DDX10: variants seen among roughly 807,000 people sequenced by gnomAD.
The protein encoded by DDX10 is DEAD-box helicase 10.
Under a neutral mutation model 104.3 loss-of-function variants are expected in DDX10, and 74 were observed. The observed-to-expected ratio is 0.71, with a 90% CI of 0.59 to 0.86. The LOEUF is 0.86. Ranked by LOEUF, DDX10 falls within the 40% of genes least tolerant of loss-of-function variation. The pLI is 0.00. For synonymous variants in DDX10, 351 were observed against 353.4 expected (o/e 0.99, Z 0.08); for missense variants, 952 against 1,040.0 (o/e 0.92, Z 1.16).
At position 108,838,532 on chromosome 11, in the gene DDX10, GAAT is replaced by G. The variant is rs1862592526; in HGVS notation, c.2055_2057del (p.Asn685del). 6.2e-7 allele frequency: 1 copy of G among 1,611,574 alleles called. No individual in the cohort carries two copies. The highest frequency in any genetic ancestry group is 8.5e-7 in the Non-Finnish European group (1 of 1,179,026). On this transcript the variant is annotated inframe_deletion, in exon 14 of 18. Transcript: ENST00000322536. Reference sequence around the variant, plus strand: ...AAGTAATGAAGAGAAATTTTAAAGTGAATAAGAAGATAACATTTACTGATGAAG... The same window carrying G: ...AAGTAATGAAGAGAAATTTTAAAGTGAAGAAGATAACATTTACTGATGAAG...
chr11:108,714,267 G>A (rs1200906024), intron 10 of DDX10, among the ~76,000 whole-genome samples: 1 of 152,136 alleles, frequency 6.6e-6, no homozygotes, highest in African/African-American at 2.4e-5. Flanking sequence ...ATCAATTACA[G>A]TTGAGGGTCT....
intron 16 of DDX10, among the ~76,000 whole-genome samples, chr11:108,879,300 G>T (rs1024492875): frequency 6.6e-6 from 1 of 152,066 alleles, no homozygotes; most frequent in Non-Finnish European, 1.5e-5. Context: ...ACATCCGGCC[G>T]AAATTTTCTA....
At chr11:108,682,791 G>T (rs1329528496) in intron 6 of DDX10, among the ~76,000 whole-genome samples, 1 of 151,950 alleles carries the variant, frequency 6.6e-6, no homozygotes, top group African/African-American at 2.4e-5. Flanking sequence ...TTCCTTTTTA[G>T]TGCAGACTTG....
At chr11:108,737,542 G>A (rs1351746305) in intron 13 of DDX10, among the ~76,000 whole-genome samples, 1 of 152,136 alleles carries the variant, frequency 6.6e-6, no homozygotes, top group Non-Finnish European at 1.5e-5. Flanking sequence ...ATAAATTCTA[G>A]GCTCTAGAAA....
intron 16 of DDX10, among the ~76,000 whole-genome samples, chr11:108,897,471 C>CT (rs1288816058): frequency 7.2e-5 from 11 of 152,272 alleles, no homozygotes; most frequent in Admixed American, 6.5e-5. Context: ...ATAAATGTTT[C>CT]TTTTTTCTTT....
intron 16 of DDX10, among the ~76,000 whole-genome samples, chr11:108,863,968 A>G (rs2134617010): frequency 6.6e-6 from 1 of 151,316 alleles, no homozygotes. Context: ...CGAGGTCCAA[A>G]TTCAGTTCTT....
intron 6 of DDX10, among the ~76,000 whole-genome samples, chr11:108,684,403 A>T (rs1298835402): frequency 1.7e-5 from 2 of 115,950 alleles, no homozygotes; most frequent in African/African-American, 6.5e-5. Context: ...TCCTGTGTCC[A>T]TGTGATCTCA....
At chr11:108,884,077 T>G (rs912737576) in intron 16 of DDX10, among the ~76,000 whole-genome samples, 5 of 152,236 alleles carry the variant, frequency 3.3e-5, no homozygotes, top group Non-Finnish European at 7.3e-5. Context: ...AATTTCTATC[T>G]CTAGCTGTGA....
rs570354100 is a variant in DDX10, at chr11:108,821,954, C to T, written c.1966-16492C>T. Among the ~76,000 whole-genome samples the T allele has an allele frequency of 4.6e-5, 7 of 152,228 alleles. No individual in the cohort carries two copies. The South Asian group carries it at 1.2e-3, about 27-fold the overall frequency. On this transcript the variant is annotated intron_variant, in intron 13 of 17. Transcript: ENST00000322536. The stretch of plus-strand genomic sequence containing the variant: ...GGATGAATCTTGCTTGGTTCTGAGA[C>T]AGTGTGAAGGAATTTCACCAGTATT...
intron 15 of DDX10, among the ~76,000 whole-genome samples, chr11:108,843,028 G>T (rs1862662455): frequency 6.6e-6 from 1 of 152,184 alleles, no homozygotes; most frequent in African/African-American, 2.4e-5. Context: ...TTGGCAAATT[G>T]TACTTGTTTT....
Position 108,940,518 on chromosome 11 carries a change from T to C in DDX10, c.*95T>C, listed in dbSNP as rs1864095792. The C allele has an allele frequency of 8.0e-7, 1 of 1,250,550 alleles. No homozygotes were observed. The highest frequency in any genetic ancestry group is 1.1e-6 in the Non-Finnish European group (1 of 900,332). The allele number at this position is 1,250,550 out of a possible 1,614,324, so 77.5% of individuals were successfully genotyped here. ...TTGATTTGGGGGCACTTAGGTACCA[T>C]ATGCCCCATTCCCAAAGGGCACATT... On this transcript the variant is annotated 3_prime_UTR_variant, in exon 18 of 18. Transcript: ENST00000322536.
chr11:108,884,672 A>G (rs925779879), intron 16 of DDX10, among the ~76,000 whole-genome samples: 1 of 151,978 alleles, frequency 6.6e-6, no homozygotes, highest in African/African-American at 2.4e-5. Context: ...ATCCCCACCC[A>G]TTTCAGAATT....
chr11:108,665,412 C>G, intron 1 of DDX10, 73 bp downstream of exon 1: 1 of 1,462,012 alleles, frequency 6.8e-7, no homozygotes, highest in Non-Finnish European at 9.1e-7. Context: ...CGAGGAGTTG[C>G]AGAGTGGAGG....
intron 13 of DDX10, among the ~76,000 whole-genome samples, chr11:108,791,376 A>T (rs1462082507): frequency 6.6e-6 from 1 of 152,232 alleles, no homozygotes; most frequent in South Asian, 2.1e-4. Context: ...TACATTAGAA[A>T]GTCATGGGGG....
rs368093274 is a variant in DDX10 at position 108,677,104 on chromosome 11, G to A, written c.398G>A (p.Arg133His). Reference sequence around the variant, plus strand: ...TTTGAGGTGCTGGAAGCCTTATATCGTCTGCAATGGACTTCAACAGATGGG... The same window carrying A: ...TTTGAGGTGCTGGAAGCCTTATATCATCTGCAATGGACTTCAACAGATGGG... ...FLVPVLEALY[R>H]LQWTSTDGLG... Residue 133 changes from arginine to histidine, a missense_variant, in exon 4 of 18, where the codon CGT (arginine) becomes CAT (histidine). Transcript: ENST00000322536. 2.9e-5 allele frequency: 46 copies of A among 1,611,556 alleles called. No individual in the cohort carries two copies. The highest frequency in any genetic ancestry group is 1.7e-4 in the Admixed American group (10 of 59,884).
intron 11 of DDX10, among the ~76,000 whole-genome samples, chr11:108,718,186 G>C (rs1167072770): frequency 1.3e-5 from 2 of 151,798 alleles, no homozygotes; most frequent in Non-Finnish European, 2.9e-5. Context: ...AAATTGTCTA[G>C]AGTAACATAG....
intron 13 of DDX10, among the ~76,000 whole-genome samples, chr11:108,752,161 C>T (rs1350582894): frequency 2.6e-5 from 4 of 152,054 alleles, no homozygotes; most frequent in African/African-American, 4.8e-5. Context: ...CGTGAAGTTA[C>T]GTCTTGAGGA....
intron 13 of DDX10, among the ~76,000 whole-genome samples, chr11:108,797,279 G>A (rs1457299561): frequency 6.6e-6 from 1 of 152,120 alleles, no homozygotes; most frequent in African/African-American, 2.4e-5. Context: ...TGATCCGTCT[G>A]CCTCGGCCTC....
intron 13 of DDX10, among the ~76,000 whole-genome samples, chr11:108,794,998 T>C (rs1296175054): frequency 6.6e-6 from 1 of 152,088 alleles, no homozygotes; most frequent in African/African-American, 2.4e-5. Flanking sequence ...TGGCTAATTT[T>C]TGTATTTTTA....
Sources: allele counts gnomAD v4.1 joint callset (sites outside exome capture counted in the v4.1 genomes callset), GRCh38; gene constraint gnomAD v4.1.1; transcripts MANE v1.5; gene names NCBI Gene and HGNC (gene_info 2026-07-23, HGNC 2026-07-21).